The following MAN1A1 variants were observed in gnomAD, a reference collection of about 807,000 sequenced individuals.
The protein encoded by MAN1A1 is mannosidase alpha class 1A member 1, also known as mannosyl-oligosaccharide 1,2-alpha-mannosidase IA.
MAN1A1 carries 29 observed loss-of-function variants against 70.8 expected under a neutral mutation model. The observed-to-expected ratio is 0.41, with a 90% CI of 0.31 to 0.56. MAN1A1 has a LOEUF of 0.56. MAN1A1 is among the 20% of genes least tolerant of loss of function. MAN1A1 has a pLI of 0.29. For synonymous variants in MAN1A1, 349 were observed against 330.1 expected (o/e 1.06, Z -0.62); for missense variants, 747 against 841.3 (o/e 0.89, Z 1.39).
At chr6:119,211,502 A>G in intron 6 of MAN1A1, among the ~76,000 whole-genome samples, 1 of 152,248 alleles carries the variant, frequency 6.6e-6, no homozygotes, top group East Asian at 1.9e-4. Context: ...AAAAGCAAAA[A>G]CAAAGAGGTT....
chr6:119,185,895 G>T (rs1238096510), intron 11 of MAN1A1, among the ~76,000 whole-genome samples: 2 of 147,972 alleles, frequency 1.4e-5, no homozygotes, highest in Non-Finnish European at 1.5e-5. Flanking sequence ...GAACAAGTTG[G>T]ACCATAAGCT....
chr6:119,246,452 C>CA (rs1775169232), intron 6 of MAN1A1, among the ~76,000 whole-genome samples: 1 of 152,064 alleles, frequency 6.6e-6, no homozygotes, highest in Non-Finnish European at 1.5e-5. Context: ...CTGTGAACCC[C>CA]AAAATGTTCA....
chr6:119,293,988 A>C (rs1772127444), intron 4 of MAN1A1, among the ~76,000 whole-genome samples: 1 of 152,104 alleles, frequency 6.6e-6, no homozygotes. Context: ...CACTCATCAG[A>C]CACTCAATAG....
intron 6 of MAN1A1, among the ~76,000 whole-genome samples, chr6:119,208,520 C>T (rs1049484740): frequency 3.3e-5 from 5 of 152,166 alleles, no homozygotes; most frequent in African/African-American, 1.2e-4. Flanking sequence ...TGTGGTAATA[C>T]ATTTCATCCT....
At chr6:119,258,079 A>C (rs1048432516) in intron 5 of MAN1A1, among the ~76,000 whole-genome samples, 1 of 152,198 alleles carries the variant, frequency 6.6e-6, no homozygotes, top group Non-Finnish European at 1.5e-5. Context: ...TTATGAAAGC[A>C]CACATACTCT....
At chr6:119,235,415 C>A (rs1774814757) in intron 6 of MAN1A1, among the ~76,000 whole-genome samples, 1 of 152,194 alleles carries the variant, frequency 6.6e-6, no homozygotes, top group South Asian at 2.1e-4. Flanking sequence ...ATCACACCAA[C>A]CACAACATTC....
At chr6:119,261,972 G>A (rs368505962) in intron 5 of MAN1A1, among the ~76,000 whole-genome samples, 9 of 152,258 alleles carry the variant, frequency 5.9e-5, no homozygotes, top group African/African-American at 9.6e-5. Flanking sequence ...AAACATAGGC[G>A]GGCAAGGGTT....
intron 2 of MAN1A1, among the ~76,000 whole-genome samples, chr6:119,309,318 C>A (rs1030936211): frequency 9.2e-5 from 14 of 152,190 alleles, no homozygotes; most frequent in African/African-American, 3.1e-4. Context: ...ATAAAATCAA[C>A]TTGTTAACTC....
chr6:119,324,120 T>C (rs1430180415), intron 2 of MAN1A1, among the ~76,000 whole-genome samples: 1 of 152,186 alleles, frequency 6.6e-6, no homozygotes, highest in Non-Finnish European at 1.5e-5. Context: ...AGTCTGTTTA[T>C]ACTTGGATTT....
rs530691919 is a variant in MAN1A1, at chr6:119,194,857, G to A, written c.1211-965C>T. Among the ~76,000 whole-genome samples, 5 of 148,316 alleles carry A rather than the reference G, an allele frequency of 3.4e-5. No individual in the cohort carries two copies. The East Asian group carries it at 6.0e-4, about 18-fold the overall frequency. On this transcript the variant is annotated intron_variant, in intron 8 of 12. Coordinates refer to ENST00000368468, the MANE Select transcript of MAN1A1 (RefSeq NM_005907.4). ...TTTTTTTCTTTTTTTTTTTTGAGAC[G>A]GAGTCTTGCTCTGTCACCAGGCTGG...
intron 6 of MAN1A1, among the ~76,000 whole-genome samples, chr6:119,241,930 ATGTGTG>A (rs1172587097): frequency 7.3e-6 from 1 of 137,456 alleles, no homozygotes; most frequent in Admixed American, 7.1e-5. Flanking sequence ...GTGTTTGTGT[ATGTGTG>A]TGTGTGTATG....
intron 2 of MAN1A1, among the ~76,000 whole-genome samples, chr6:119,345,784 A>T (rs566398584): frequency 6.6e-6 from 1 of 152,306 alleles, no homozygotes; most frequent in Non-Finnish European, 1.5e-5. Flanking sequence ...TTCAGGTGTG[A>T]TAGAGAACCT....
chr6:119,180,097 T>G, intron 12 of MAN1A1, 152 bp from the exon 13 acceptor site: 3 of 870,264 alleles, frequency 3.4e-6, no homozygotes, highest in Non-Finnish European at 5.3e-6. Flanking sequence ...GGGGTTATAC[T>G]CATTAACATG....
At position 119,348,767 on chromosome 6, in the gene MAN1A1, C is replaced by T. The variant is rs1773814462; in HGVS notation, c.299G>A (p.Gly100Glu). 4.7e-6 allele frequency: 7 copies of T among 1,481,852 alleles called. No homozygotes were observed. In the Admixed American group the frequency reaches 1.2e-4, roughly 26 times the overall value. The allele number at this position is 1,481,852 out of a possible 1,614,324, so 91.8% of individuals were successfully genotyped here. A position where few individuals can be genotyped will look rare whatever the true frequency, so the allele number is the denominator to read the frequency against. Residue 100 changes from glycine (G) to glutamate (E), a missense_variant, in exon 2 of 13, where the codon GGG (glycine) becomes GAG (glutamate). By Grantham distance (98) the Gly-to-Glu change is moderately conservative (BLOSUM62 -2). This residue lies in a region of MAN1A1 where 328 missense variants were observed against 293.1 expected (regional missense o/e 1.12). Transcript: ENST00000368468. ...CCCCTCCTCGCGGCGCCGGGCTCGCCCCTCGGCCGCGTCCTCGGCGCGCGC... is the reference window on the plus strand; with the variant it reads ...CCCCTCCTCGCGGCGCCGGGCTCGCTCCTCGGCCGCGTCCTCGGCGCGCGC... Reference protein sequence around the residue: ...PGARAEDAAEGRARRREEGAP... With the variant: ...PGARAEDAAEERARRREEGAP...
chr6:119,278,944 G>A (rs1219749842), intron 5 of MAN1A1, among the ~76,000 whole-genome samples: 1 of 147,688 alleles, frequency 6.8e-6, no homozygotes, highest in Non-Finnish European at 1.5e-5. Context: ...TATACAGACT[G>A]CAGAACCGTG....
rs1423681588 is a variant in MAN1A1 at position 119,349,083 on chromosome 6, G to A, written c.-18C>T. 1 of 1,285,398 alleles carries A rather than the reference G, an allele frequency of 7.8e-7. No individual in the cohort carries two copies. Among genetic ancestry groups the A allele is most frequent in the Non-Finnish European group, 9.8e-7 (1 of 1,015,854 alleles). 79.6% of individuals were successfully genotyped at this position (1,285,398 alleles called of 1,614,324 possible). ...ACGGGCATCGCTCCCGCTGTCCAGT[G>A]GTCCGGCGCCGCGCCGCTCAGCAGC... On this transcript the variant is annotated 5_prime_UTR_variant, in exon 2 of 13. Transcript: ENST00000368468.
At chr6:119,245,598 G>T (rs1775149047) in intron 6 of MAN1A1, among the ~76,000 whole-genome samples, 1 of 152,102 alleles carries the variant, frequency 6.6e-6, no homozygotes, top group Non-Finnish European at 1.5e-5. Flanking sequence ...GGGAATTTTA[G>T]TGAACTAATA....
intron 6 of MAN1A1, among the ~76,000 whole-genome samples, chr6:119,221,320 ACT>A (rs1410069974): frequency 2.6e-5 from 4 of 151,996 alleles, no homozygotes; most frequent in Non-Finnish European, 4.4e-5. Flanking sequence ...ACAGATAACC[ACT>A]GTTACTTGTT....
At chr6:119,340,559 G>T (rs1379947355) in intron 2 of MAN1A1, among the ~76,000 whole-genome samples, 1 of 152,194 alleles carries the variant, frequency 6.6e-6, no homozygotes, top group African/African-American at 2.4e-5. Context: ...TCATTCACAG[G>T]CCTTCGGACA....
Sources: gnomAD v4.1 joint callset for allele counts (sites outside exome capture counted in the v4.1 genomes callset) on GRCh38, gnomAD v4.1.1 for gene constraint, gnomAD v4.1.1 regional missense constraint, MANE v1.5 for transcripts, NCBI Gene and HGNC (gene_info 2026-07-23, HGNC 2026-07-21) for gene names.